Variants in CDH18 observed in about 807,000 individuals in gnomAD.
CDH18 encodes cadherin-18.
Under a neutral mutation model 67.9 loss-of-function variants are expected in CDH18, and 31 were observed. The ratio of observed to expected loss-of-function variants is 0.46; its 90% CI spans 0.34 to 0.62. The LOEUF is 0.62. Ranked by LOEUF, CDH18 falls within the 20% of genes least tolerant of loss-of-function variation. The pLI is 0.01. For synonymous variants in CDH18, 362 were observed against 347.2 expected (o/e 1.04, Z -0.48); for missense variants, 890 against 975.5 (o/e 0.91, Z 1.17).
intron 2 of CDH18, among the ~76,000 whole-genome samples, chr5:19,915,556 G>A (rs1272643543): frequency 6.6e-6 from 1 of 151,838 alleles, no homozygotes; most frequent in Non-Finnish European, 1.5e-5. Flanking sequence ...ACACATTTTT[G>A]AATGTTATAT....
chr5:20,279,648 G>A (rs1400384183), intron 1 of CDH18, among the ~76,000 whole-genome samples: 2 of 123,896 alleles, frequency 1.6e-5, no homozygotes, highest in South Asian at 2.7e-4. Flanking sequence ...GCAGTGAGCC[G>A]AGATCATGCC....
At chr5:20,362,706 CAGATCTAA>C (rs1470311266) in intron 1 of CDH18, among the ~76,000 whole-genome samples, 6 of 152,110 alleles carry the variant, frequency 3.9e-5, no homozygotes, top group Non-Finnish European at 7.4e-5. Flanking sequence ...GGTAGAAAAA[CAGATCTAA>C]AGAATGTTTC....
intron 1 of CDH18, among the ~76,000 whole-genome samples, chr5:20,338,040 C>A (rs1021335801): frequency 6.6e-5 from 10 of 152,186 alleles, no homozygotes; most frequent in Non-Finnish European, 1.2e-4. Flanking sequence ...GACCCACCAA[C>A]CACCAGGAGA....
At chr5:20,096,682 C>A (rs2150570442) in intron 2 of CDH18, among the ~76,000 whole-genome samples, 1 of 152,156 alleles carries the variant, frequency 6.6e-6, no homozygotes, top group East Asian at 1.9e-4. Context: ...TTTATTTCCA[C>A]TTTAACTGCT....
In CDH18 at chr5:19,513,602, A is replaced by T. The variant is rs929769460; in HGVS notation, c.1512+7055T>A. 6.6e-5 allele frequency among the ~76,000 whole-genome samples: 10 copies of T among 152,038 alleles called. No homozygotes were observed. The East Asian group carries it at 1.7e-3, about 26-fold the overall frequency. ...TAAATTGTTATTCTATTTTATTTGGATTAAATTGATTTATTTTTCTAACTT... is the reference window on the plus strand; with the variant it reads ...TAAATTGTTATTCTATTTTATTTGGTTTAAATTGATTTATTTTTCTAACTT... On this transcript the variant is annotated intron_variant, in intron 10 of 12. Transcript: ENST00000382275.
At chr5:19,592,369 A>AGC (rs1745296344) in intron 6 of CDH18, among the ~76,000 whole-genome samples, 1 of 152,046 alleles carries the variant, frequency 6.6e-6, no homozygotes, top group African/African-American at 2.4e-5. Flanking sequence ...ACATGTTTTT[A>AGC]ATAATTATTT....
intron 1 of CDH18, among the ~76,000 whole-genome samples, chr5:20,474,037 A>C (rs2150244411): frequency 6.6e-6 from 1 of 152,262 alleles, no homozygotes; most frequent in African/African-American, 2.4e-5. Context: ...AGATTGAAAT[A>C]ATTATATTTT....
intron 3 of CDH18, among the ~76,000 whole-genome samples, chr5:19,834,464 CA>C (rs906400527): frequency 6.8e-6 from 1 of 147,810 alleles, no homozygotes; most frequent in Non-Finnish European, 1.5e-5. Context: ...TAATTTTTTT[CA>C]AAAAAAACAG....
intron 9 of CDH18, among the ~76,000 whole-genome samples, chr5:19,527,808 T>C (rs1284575265): frequency 2.0e-5 from 3 of 151,874 alleles, no homozygotes; most frequent in African/African-American, 7.2e-5. Context: ...TAGATTGAAG[T>C]GAATTATTTA....
At chr5:20,052,947 T>C (rs909613075) in intron 2 of CDH18, among the ~76,000 whole-genome samples, 1 of 152,074 alleles carries the variant, frequency 6.6e-6, no homozygotes, top group Admixed American at 6.6e-5. Context: ...AAATGGAGCC[T>C]GGGCCTGAAG....
intron 1 of CDH18, among the ~76,000 whole-genome samples, chr5:20,503,871 C>CT (rs1296310315): frequency 1.3e-5 from 2 of 151,760 alleles, no homozygotes; most frequent in Non-Finnish European, 2.9e-5. Context: ...AACCCTGCCT[C>CT]TACTAAAAAT....
intron 2 of CDH18, among the ~76,000 whole-genome samples, chr5:20,203,586 A>AGAGAGC (rs1192487984): frequency 6.6e-6 from 1 of 151,492 alleles, no homozygotes; most frequent in Non-Finnish European, 1.5e-5. Flanking sequence ...GGGAAAAGAG[A>AGAGAGC]GAGAGAGAGA....
chr5:20,221,787 T>G (rs1007498392), intron 2 of CDH18, among the ~76,000 whole-genome samples: 9 of 152,036 alleles, frequency 5.9e-5, no homozygotes, highest in Non-Finnish European at 1.3e-4. Flanking sequence ...AATAAATAAA[T>G]AACAACAAAA....
At chr5:19,543,263 A>AT (rs1348881981) in intron 9 of CDH18, among the ~76,000 whole-genome samples, 1 of 151,912 alleles carries the variant, frequency 6.6e-6, no homozygotes, top group Non-Finnish European at 1.5e-5. Context: ...ACGGATATAT[A>AT]TTTTTTTATG....
chr5:19,930,278 T>C lies in CDH18; in HGVS notation c.-257+50782A>G, dbSNP rs569051540. 6.0e-4 allele frequency among the ~76,000 whole-genome samples: 91 copies of C among 152,108 alleles called. 1 individual carries two copies. Among genetic ancestry groups the C allele is most frequent in the African/African-American group, 2.1e-3 (87 of 41,520 alleles). ...TGCCAAAGTATGCATTCTTAATTAC[T>C]ATCAAATATTGCCTCTGGACTGTGT... On this transcript the variant is annotated intron_variant, in intron 2 of 12. Transcript: ENST00000382275.
At chr5:20,294,088 C>T (rs1747307079) in intron 1 of CDH18, among the ~76,000 whole-genome samples, 1 of 152,066 alleles carries the variant, frequency 6.6e-6, no homozygotes, top group Non-Finnish European at 1.5e-5. Flanking sequence ...TCATAGTAAA[C>T]AGAAGTTGCA....
At chr5:20,225,848 A>T (rs1741584268) in intron 2 of CDH18, among the ~76,000 whole-genome samples, 2 of 152,166 alleles carry the variant, frequency 1.3e-5, no homozygotes, top group Non-Finnish European at 2.9e-5. Context: ...TTTAAGCTCC[A>T]GTAGAGGGGA....
chr5:20,313,586 A>G (rs183706724), intron 1 of CDH18, among the ~76,000 whole-genome samples: 14 of 152,202 alleles, frequency 9.2e-5, no homozygotes, highest in African/African-American at 3.4e-4. Context: ...ATGCTTAACA[A>G]TCAGGTTTTC....
chr5:19,539,258 A>G (rs959256642), intron 9 of CDH18, among the ~76,000 whole-genome samples: 39 of 152,178 alleles, frequency 2.6e-4, no homozygotes, highest in Non-Finnish European at 2.9e-5. Flanking sequence ...GAAAATTACA[A>G]TTTACTGTAC....
Sources: allele counts gnomAD v4.1 joint callset (sites outside exome capture counted in the v4.1 genomes callset), GRCh38; gene constraint gnomAD v4.1.1; transcripts MANE v1.5; gene names NCBI Gene and HGNC (gene_info 2026-07-23, HGNC 2026-07-21).